HIF1A: variants seen among roughly 807,000 people sequenced by gnomAD.
HIF1A encodes hypoxia inducible factor 1 subunit alpha, also known as hypoxia-inducible factor 1-alpha.
A neutral mutation model predicts 92.7 loss-of-function variants in HIF1A; 24 were observed. The observed-to-expected ratio is 0.26, with a 90% confidence interval of 0.19 to 0.36. The LOEUF (loss-of-function observed/expected upper bound fraction) is 0.36. HIF1A is among the 10% of genes least tolerant of loss of function. The pLI is 1.00. For synonymous variants in HIF1A, 319 were observed against 338.7 expected, an observed-to-expected ratio of 0.94 and a Z score of 0.64; for missense variants, 799 against 998.5, an observed-to-expected ratio of 0.80 and a Z score of 2.69.
At chr14:61,722,935 T>C (rs1249215851) in intron 4 of HIF1A, among the ~76,000 whole-genome samples, 1 of 152,196 alleles carries the variant, frequency 6.6e-6, no homozygotes, top group Non-Finnish European at 1.5e-5. Context: ...ATTTAAAAAA[T>C]CATGTGTTCT....
Position 61,695,522 on chromosome 14 carries a change from T to C in HIF1A, c.-283T>C. 2.0e-6 allele frequency: 1 copy of C among 502,992 alleles called. No individual in the cohort carries two copies. Among genetic ancestry groups the C allele is most frequent in the Non-Finnish European group, 3.5e-6 (1 of 282,052 alleles). 31.2% of individuals were successfully genotyped at this position (502,992 alleles called of 1,614,324 possible). A position where few individuals can be genotyped will look rare whatever the true frequency, so the allele number is the denominator to read the frequency against. On this transcript the variant is annotated 5_prime_UTR_variant, in exon 1 of 15. Transcript: ENST00000337138. ...GCTGCCTCAGCTCCTCAGTGCACAG[T>C]GCTGCCTCGTCTGAGGGGACAGGAG...
intron 2 of HIF1A, 57 bp from the exon 3 acceptor site, chr14:61,721,452 T>C: frequency 5.0e-6 from 7 of 1,413,860 alleles, no homozygotes; most frequent in Non-Finnish European, 6.9e-6. Flanking sequence ...CTAAATATTA[T>C]ATCATTTAAG....
chr14:61,736,401 T>C (rs190821662), intron 8 of HIF1A, among the ~76,000 whole-genome samples: 26 of 152,286 alleles, frequency 1.7e-4, no homozygotes, highest in African/African-American at 6.0e-4. Flanking sequence ...GGGTATATCA[T>C]GTGATGCTGA....
chr14:61,732,553 T>C (rs1327633881), intron 7 of HIF1A, 29 bp downstream of exon 7: 1 of 1,332,264 alleles, frequency 7.5e-7, no homozygotes. Flanking sequence ...CTCAGAGATA[T>C]TCTAATTACT....
Position 61,737,083 on chromosome 14 carries a change from T to C in HIF1A, c.1223T>C (p.Ile408Thr). The C allele has an allele frequency of 6.2e-7, 1 of 1,614,136 alleles. No homozygotes were observed. Among genetic ancestry groups the C allele is most frequent in the African/African-American group, 1.3e-5 (1 of 75,050 alleles). ...CTGGCCCCAGCCGCTGGAGACACAATCATATCTTTAGATTTTGGCAGCAAC... is the reference window on the plus strand; with the variant it reads ...CTGGCCCCAGCCGCTGGAGACACAACCATATCTTTAGATTTTGGCAGCAAC... ...TLLAPAAGDT[I>T]ISLDFGSNDT... The change falls in exon 9 of 15, where the codon ATC becomes ACC. Residue 408 changes from isoleucine (I) to threonine (T), a missense_variant. Physicochemically the swap from Ile to Thr is moderately conservative, Grantham distance 89 (BLOSUM62 -1). This residue lies in a region of HIF1A where 516 missense variants were observed against 721.0 expected (regional missense o/e 0.72). Coordinates refer to ENST00000337138, the MANE Select transcript of HIF1A (RefSeq NM_001530.4).
intron 1 of HIF1A, among the ~76,000 whole-genome samples, chr14:61,714,308 T>A (rs1444668487): frequency 1.3e-5 from 2 of 152,226 alleles, no homozygotes; most frequent in Non-Finnish European, 2.9e-5. Flanking sequence ...GTAACTGAAT[T>A]CTCTTATGGA....
At chr14:61,737,983 C>A (rs753600633) in intron 9 of HIF1A, 104 bp from the exon 10 acceptor site, 6 of 875,506 alleles carry the variant, frequency 6.9e-6, no homozygotes, top group Non-Finnish European at 8.5e-6. Context: ...GCCAAGATTG[C>A]GCCATTGCAC....
At chr14:61,740,456 A>C in intron 10 of HIF1A, 49 bp from the exon 11 acceptor site, 1 of 1,385,060 alleles carries the variant, frequency 7.2e-7, no homozygotes, top group East Asian at 2.4e-5. Context: ...CAACTAGCAA[A>C]GTATATGGAA....
intron 12 of HIF1A, among the ~76,000 whole-genome samples, chr14:61,743,900 A>C (rs537958001): frequency 2.0e-5 from 3 of 152,282 alleles, no homozygotes; most frequent in African/African-American, 7.2e-5. Context: ...CCATATTGCA[A>C]CTAGTGAGCA....
intron 1 of HIF1A, among the ~76,000 whole-genome samples, chr14:61,707,210 T>A (rs1475453985): frequency 6.6e-6 from 1 of 152,236 alleles, no homozygotes; most frequent in African/African-American, 2.4e-5. Context: ...TAACACCTAG[T>A]TGGTGCATTA....
chr14:61,740,251 G>A (rs1425578209), intron 10 of HIF1A: 2 of 202,318 alleles, frequency 9.9e-6, no homozygotes, highest in African/African-American at 4.7e-5. Context: ...ATTTTTAGTA[G>A]AGACGAGGTT....
chr14:61,717,384 T>C (rs901080681), intron 1 of HIF1A, among the ~76,000 whole-genome samples: 3 of 152,234 alleles, frequency 2.0e-5, no homozygotes, highest in Admixed American at 6.5e-5. Flanking sequence ...CATGAAGATT[T>C]TTCCATTAAA....
In HIF1A at chr14:61,744,589, T is replaced by C. The variant is rs2044753974; in HGVS notation, c.2094-116T>C. 3 of 500,176 alleles carry C rather than the reference T, an allele frequency of 6.0e-6. No individual in the cohort carries two copies. The East Asian group carries it at 1.0e-4, about 17-fold the overall frequency. The allele number at this position is 500,176 out of a possible 1,614,324, so 31.0% of individuals were successfully genotyped here. A position where few individuals can be genotyped will look rare whatever the true frequency, so the allele number is the denominator to read the frequency against. On this transcript the variant is annotated intron_variant, in intron 12 of 14. Transcript: ENST00000337138. ...TAGTGATCAGGAAAGTTATCTTATG[T>C]ATATTATATTCCTTAATATTGGAGA... is the stretch of plus-strand genomic sequence containing the variant.
At chr14:61,737,984 G>A (rs371956708) in intron 9 of HIF1A, 103 bp from the exon 10 acceptor site, 46 of 886,478 alleles carry the variant, frequency 5.2e-5, no homozygotes, top group South Asian at 1.9e-4. Flanking sequence ...CCAAGATTGC[G>A]CCATTGCACT....
intron 12 of HIF1A, 141 bp from the exon 13 acceptor site, chr14:61,744,564 T>C (rs2044753621): frequency 4.5e-6 from 2 of 442,072 alleles, no homozygotes; most frequent in Admixed American, 4.4e-5. Flanking sequence ...TGATAAACTT[T>C]AGTGATCAGG....
At chr14:61,735,305 A>C (rs547937875) in intron 8 of HIF1A, among the ~76,000 whole-genome samples, 9 of 152,314 alleles carry the variant, frequency 5.9e-5, no homozygotes, top group African/African-American at 1.9e-4. Flanking sequence ...CCTCTTAGGA[A>C]GACTTTGGGC....
At chr14:61,708,421 G>A (rs1480755766) in intron 1 of HIF1A, among the ~76,000 whole-genome samples, 2 of 152,154 alleles carry the variant, frequency 1.3e-5, no homozygotes, top group Non-Finnish European at 2.9e-5. Flanking sequence ...TTATTCTACG[G>A]TTTTTATGGT....
At position 61,734,274 on chromosome 14, in the gene HIF1A, T is replaced by C. The variant is rs778848803; in HGVS notation, c.1017T>C (p.Asn339=). Reference sequence around the variant, plus strand: ...AACCACAGTGCATTGTATGTGTGAATTACGTTGTGAGGTAAGTAAGTTTGA... The same window carrying C: ...AACCACAGTGCATTGTATGTGTGAACTACGTTGTGAGGTAAGTAAGTTTGA... ...NSQPQCIVCV[N]YVVSGIIQHD... Residue 339 remains asparagine (N), a synonymous_variant, in exon 8 of 15, where the codon AAT becomes AAC. Transcript: ENST00000337138. 7 of 1,607,918 alleles carry C rather than the reference T, an allele frequency of 4.4e-6. No homozygotes were observed. The highest frequency in any genetic ancestry group is 1.3e-5 in the African/African-American group (1 of 74,724).
intron 10 of HIF1A, among the ~76,000 whole-genome samples, chr14:61,739,501 A>C (rs2044680269): frequency 6.6e-6 from 1 of 152,224 alleles, no homozygotes; most frequent in African/African-American, 2.4e-5. Context: ...AAAACTGACA[A>C]GCTAAGAGTA....
Sources: gnomAD v4.1 joint callset for allele counts (sites outside exome capture counted in the v4.1 genomes callset) on GRCh38, gnomAD v4.1.1 for gene constraint, gnomAD v4.1.1 regional missense constraint, MANE v1.5 for transcripts, NCBI Gene and HGNC (gene_info 2026-07-23, HGNC 2026-07-21) for gene names.